Variants in NR3C2 observed in about 807,000 individuals in gnomAD.
NR3C2 encodes the protein nuclear receptor subfamily 3 group C member 2.
A neutral mutation model predicts 86.4 loss-of-function variants in NR3C2; 15 were observed. The ratio of observed to expected loss-of-function variants is 0.17; its 90% CI spans 0.12 to 0.27. NR3C2 has a LOEUF of 0.27. NR3C2 is among the 10% of genes least tolerant of loss of function. NR3C2 has a pLI of 1.00. For missense variants in NR3C2, 960 were observed against 1,195.6 expected (o/e 0.80, Z 2.91); for synonymous variants, 458 against 450.5 (o/e 1.02, Z -0.21).
intron 2 of NR3C2, among the ~76,000 whole-genome samples, chr4:148,378,164 G>A (rs1392316414): frequency 2.0e-5 from 3 of 152,152 alleles, no homozygotes; most frequent in Non-Finnish European, 4.4e-5. Context: ...GTTGCTGGGG[G>A]CTGGCGGGGG....
At chr4:148,399,339 C>T (rs1223147751) in intron 2 of NR3C2, among the ~76,000 whole-genome samples, 1 of 151,936 alleles carries the variant, frequency 6.6e-6, no homozygotes, top group African/African-American at 2.4e-5. Context: ...TATTATCATT[C>T]ACATACTTTT....
At position 148,441,703 on chromosome 4, in the gene NR3C2, C is replaced by A. The variant is rs1236293276; in HGVS notation, c.-3+457G>T. On this transcript the variant is annotated intron_variant, in intron 1 of 8. Coordinates refer to ENST00000358102, the MANE Select transcript of NR3C2 (RefSeq NM_000901.5). ...CGCGAATGCTAGCGAACGGGAAATG[C>A]ACGAATTTCCAGAGCCCCTTTTATA... Among the ~76,000 whole-genome samples, 3 of 152,340 alleles carry A rather than the reference C, an allele frequency of 2.0e-5. 1 individual carries two copies. Among genetic ancestry groups the A allele is most frequent in the African/African-American group, 7.2e-5 (3 of 41,580 alleles).
At chr4:148,353,061 A>G (rs1338968137) in intron 2 of NR3C2, among the ~76,000 whole-genome samples, 1 of 152,146 alleles carries the variant, frequency 6.6e-6, no homozygotes, top group East Asian at 1.9e-4. Context: ...TACTTACTTT[A>G]GGGCAATGCG....
chr4:148,203,228 G>A (rs779363881), intron 3 of NR3C2, among the ~76,000 whole-genome samples: 1 of 151,824 alleles, frequency 6.6e-6, no homozygotes, highest in Non-Finnish European at 1.5e-5. Context: ...GTTTCGTAGA[G>A]CACCAAACTG....
At chr4:148,109,275 G>A (rs1006222094) in intron 8 of NR3C2, among the ~76,000 whole-genome samples, 7 of 152,092 alleles carry the variant, frequency 4.6e-5, no homozygotes, top group Middle Eastern at 3.2e-3. Context: ...CCACCTCCTC[G>A]GAGGTCCCAG....
At chr4:148,427,067 G>A (rs375381145) in intron 2 of NR3C2, among the ~76,000 whole-genome samples, 70 of 151,846 alleles carry the variant, frequency 4.6e-4, no homozygotes, top group South Asian at 6.3e-4. Flanking sequence ...CGATTCTTGC[G>A]TCTCAGCCTC....
chr4:148,419,956 T>C (rs1325454426), intron 2 of NR3C2, among the ~76,000 whole-genome samples: 2 of 152,214 alleles, frequency 1.3e-5, no homozygotes, highest in African/African-American at 4.8e-5. Flanking sequence ...GAAACTGATG[T>C]AGGGTACAGT....
At chr4:148,240,863 C>T (rs1417033979) in intron 3 of NR3C2, among the ~76,000 whole-genome samples, 1 of 152,174 alleles carries the variant, frequency 6.6e-6, no homozygotes, top group East Asian at 1.9e-4. Flanking sequence ...GTGGAAAATG[C>T]AGAGCTGCTA....
At chr4:148,437,337 C>A (rs1750130033) in intron 1 of NR3C2, among the ~76,000 whole-genome samples, 1 of 152,074 alleles carries the variant, frequency 6.6e-6, no homozygotes, top group Non-Finnish European at 1.5e-5. Context: ...ATAGAAGCTG[C>A]CTTCCATATT....
chr4:148,255,388 CTG>C (rs1739783655), intron 3 of NR3C2, among the ~76,000 whole-genome samples: 6 of 152,174 alleles, frequency 3.9e-5, no homozygotes, highest in Non-Finnish European at 5.9e-5. Context: ...ACAGGCTTGG[CTG>C]TCTGAAAATA....
In NR3C2 at chr4:148,290,543, C is replaced by T. The variant is rs148885381; in HGVS notation, c.1758-30426G>A. Among the ~76,000 whole-genome samples the T allele has an allele frequency of 1.4e-4, 21 of 152,176 alleles. No individual in the cohort carries two copies. The East Asian group carries it at 2.3e-3, about 17-fold the overall frequency. Reference sequence around the variant, plus strand: ...ACTAATATAATGTACCAGGTAAAACCGTTAATCACATTCACTTTCTGGGCC... The same window carrying T: ...ACTAATATAATGTACCAGGTAAAACTGTTAATCACATTCACTTTCTGGGCC... On this transcript the variant is annotated intron_variant, in intron 2 of 8. Transcript: ENST00000358102.
intron 2 of NR3C2, among the ~76,000 whole-genome samples, chr4:148,412,558 T>C (rs1180319592): frequency 6.6e-6 from 1 of 151,962 alleles, no homozygotes; most frequent in African/African-American, 2.4e-5. Context: ...ACAAGAGAAA[T>C]GTGGAGAAGG....
At chr4:148,421,424 T>G (rs1005950264) in intron 2 of NR3C2, among the ~76,000 whole-genome samples, 1 of 152,114 alleles carries the variant, frequency 6.6e-6, no homozygotes, top group Non-Finnish European at 1.5e-5. Context: ...AATATAGTCT[T>G]TCTTTCTTCT....
At chr4:148,298,256 TC>T (rs1424126790) in intron 2 of NR3C2, among the ~76,000 whole-genome samples, 1 of 152,146 alleles carries the variant, frequency 6.6e-6, no homozygotes, top group East Asian at 1.9e-4. Context: ...TAAATACATC[TC>T]AAAAACATTA....
rs1175816621 is a variant in NR3C2, at chr4:148,134,643, C to CTTTT, written c.2511-14359_2511-14356dup. Among the ~76,000 whole-genome samples, 69 of 40,800 alleles carry CTTTT rather than the reference C, an allele frequency of 1.7e-3. 10 individuals carry two copies. Among genetic ancestry groups the CTTTT allele is most frequent in the Non-Finnish European group, 2.6e-3 (56 of 21,180 alleles). 26.8% of individuals were successfully genotyped at this position (40,800 alleles called of 152,430 possible). A position where few individuals can be genotyped will look rare whatever the true frequency, so the allele number is the denominator to read the frequency against. ...CCTGTGATTCTCTCTCTCTCTCTCT[C>CTTTT]TTTTTTTTTTTTTTTTTTTTTTTTA... is the stretch of plus-strand genomic sequence containing the variant. On this transcript the variant is annotated intron_variant, in intron 6 of 8. Coordinates refer to ENST00000358102, the MANE Select transcript of NR3C2 (RefSeq NM_000901.5).
At chr4:148,237,672 T>G (rs200601551) in intron 3 of NR3C2, among the ~76,000 whole-genome samples, 6 of 31,562 alleles carry the variant, frequency 1.9e-4, no homozygotes, top group African/African-American at 4.1e-4. Context: ...ACAAAATGGG[T>G]TTTTTTTTTT....
At chr4:148,393,803 G>A (rs896847949) in intron 2 of NR3C2, among the ~76,000 whole-genome samples, 19 of 152,100 alleles carry the variant, frequency 1.2e-4, no homozygotes, top group African/African-American at 4.6e-4. Context: ...AATAATTTTC[G>A]CTTCTTGACT....
Position 148,208,102 on chromosome 4 carries a change from G to A in NR3C2, c.1898-13240C>T, listed in dbSNP as rs1440875688. ...GAACCATGTGTGGAACACAACTGGC[G>A]CTCAACAAACTTTCTACTCTTCCCC... On this transcript the variant is annotated intron_variant, in intron 3 of 8. Coordinates refer to ENST00000358102, the MANE Select transcript of NR3C2 (RefSeq NM_000901.5). 2.6e-5 allele frequency: 4 copies of A among 152,204 alleles called. No individual in the cohort carries two copies. The South Asian group carries it at 6.2e-4, about 24-fold the overall frequency. The allele number at this position is 152,204 out of a possible 1,614,324, so 9.4% of individuals were successfully genotyped here. A position where few individuals can be genotyped will look rare whatever the true frequency, so the allele number is the denominator to read the frequency against.
intron 2 of NR3C2, among the ~76,000 whole-genome samples, chr4:148,354,572 AT>A: frequency 6.6e-6 from 1 of 152,306 alleles, no homozygotes; most frequent in Middle Eastern, 3.4e-3. Context: ...TATTAACAAA[AT>A]GAATTACACT....
Sources: gnomAD v4.1 joint callset for allele counts (sites outside exome capture counted in the v4.1 genomes callset) on GRCh38, gnomAD v4.1.1 for gene constraint, MANE v1.5 for transcripts, NCBI Gene and HGNC (gene_info 2026-07-23, HGNC 2026-07-21) for gene names.